The following MACROD2 variants were observed in gnomAD, a reference collection of about 807,000 sequenced individuals.
MACROD2 encodes the protein mono-ADP ribosylhydrolase 2.
MACROD2 carries 36 observed loss-of-function variants against 70.4 expected under a neutral mutation model. The ratio of observed to expected loss-of-function variants is 0.51; its 90% CI spans 0.39 to 0.68. MACROD2 has a LOEUF of 0.68. Ranked by LOEUF, MACROD2 falls within the 30% of genes least tolerant of loss-of-function variation. The pLI is 0.00. For missense variants in MACROD2, 496 were observed against 538.4 expected, an observed-to-expected ratio of 0.92 and a Z score of 0.78; for synonymous variants, 172 against 178.8, an observed-to-expected ratio of 0.96 and a Z score of 0.30.
At chr20:15,067,510 C>T (rs576975848) in intron 5 of MACROD2, among the ~76,000 whole-genome samples, 14 of 152,038 alleles carry the variant, frequency 9.2e-5, no homozygotes, top group African/African-American at 3.1e-4. Context: ...CCACCACACC[C>T]GGCTAATTTT....
chr20:14,832,128 T>C (rs537485728), intron 5 of MACROD2, among the ~76,000 whole-genome samples: 28 of 143,974 alleles, frequency 1.9e-4, no homozygotes, highest in African/African-American at 5.9e-4. Flanking sequence ...CTGCAAGCTC[T>C]GCCTCCCGGG....
intron 3 of MACROD2, among the ~76,000 whole-genome samples, chr20:14,303,355 G>A (rs904508365): frequency 6.6e-5 from 10 of 152,154 alleles, no homozygotes; most frequent in African/African-American, 2.4e-4. Context: ...ACGCCCCAGA[G>A]AGCTTGTTTT....
At chr20:14,958,162 T>G (rs1426502339) in intron 5 of MACROD2, among the ~76,000 whole-genome samples, 2 of 152,222 alleles carry the variant, frequency 1.3e-5, no homozygotes, top group East Asian at 3.9e-4. Context: ...TGTGTATGTA[T>G]TACCTTCTGT....
intron 6 of MACROD2, among the ~76,000 whole-genome samples, chr20:15,332,536 C>T (rs1450656754): frequency 1.3e-5 from 2 of 151,486 alleles, no homozygotes; most frequent in Non-Finnish European, 2.9e-5. Context: ...ATATGGGATT[C>T]CTAATACAAA....
At chr20:14,779,712 A>G (rs2072276446) in intron 5 of MACROD2, among the ~76,000 whole-genome samples, 1 of 152,168 alleles carries the variant, frequency 6.6e-6, no homozygotes, top group Non-Finnish European at 1.5e-5. Context: ...AATAAATAAT[A>G]GGTTTTAAAA....
At chr20:14,465,273 C>G (rs1384766782) in intron 3 of MACROD2, among the ~76,000 whole-genome samples, 1 of 151,962 alleles carries the variant, frequency 6.6e-6, no homozygotes, top group Non-Finnish European at 1.5e-5. Flanking sequence ...TGAATTGATC[C>G]CTTTACCATT....
intron 4 of MACROD2, among the ~76,000 whole-genome samples, chr20:14,661,309 G>A (rs1487615500): frequency 6.6e-6 from 1 of 152,074 alleles, no homozygotes; most frequent in African/African-American, 2.4e-5. Flanking sequence ...TAGTGATTTT[G>A]AGCGTTTTTT....
At position 14,820,059 on chromosome 20, in the gene MACROD2, A is replaced by G. The variant is rs1307337994; in HGVS notation, c.418+135100A>G. On this transcript the variant is annotated intron_variant, in intron 5 of 17. Coordinates refer to ENST00000684519, the MANE Select transcript of MACROD2 (RefSeq NM_001351661.2). ...CCCGGAGTGCTGCTGGTGAAGGTGG[A>G]CAGAGTAGATTTCTTTGAGAGATAC... Among the ~76,000 whole-genome samples the G allele has an allele frequency of 2.6e-5, 4 of 152,100 alleles. No individual in the cohort carries two copies. In the South Asian group the frequency reaches 6.2e-4, roughly 24 times the overall value.
intron 3 of MACROD2, among the ~76,000 whole-genome samples, chr20:14,162,861 C>A (rs1277137737): frequency 6.6e-6 from 1 of 151,958 alleles, no homozygotes; most frequent in Admixed American, 6.6e-5. Flanking sequence ...AATATTTAAT[C>A]CATTTACATT....
intron 3 of MACROD2, among the ~76,000 whole-genome samples, chr20:14,380,885 G>A (rs1157001630): frequency 3.3e-5 from 5 of 152,052 alleles, no homozygotes; most frequent in Non-Finnish European, 7.4e-5. Context: ...TTCCTATTCA[G>A]GGCTCTTTTA....
intron 5 of MACROD2, among the ~76,000 whole-genome samples, chr20:14,914,977 C>A (rs980249747): frequency 6.6e-6 from 1 of 152,046 alleles, no homozygotes; most frequent in Non-Finnish European, 1.5e-5. Context: ...ACAATAGATT[C>A]GACTGATTTT....
Position 15,499,858 on chromosome 20 carries a change from C to A in MACROD2, c.645+11C>A. On this transcript the variant is annotated intron_variant, in intron 8 of 17. Coordinates refer to ENST00000684519, the MANE Select transcript of MACROD2 (RefSeq NM_001351661.2). ...AAGAATCACCATGAGGTAGGAGGAA[C>A]GACATAATCAGTGAACATCCAAGAT... The A allele has an allele frequency of 6.2e-7, 1 of 1,611,036 alleles. No individual in the cohort carries two copies. The highest frequency in any genetic ancestry group is 2.2e-5 in the East Asian group (1 of 44,842).
intron 8 of MACROD2, among the ~76,000 whole-genome samples, chr20:15,534,652 C>T (rs2047849608): frequency 6.6e-6 from 1 of 152,112 alleles, no homozygotes; most frequent in African/African-American, 2.4e-5. Context: ...GTTTCAAGCA[C>T]ATAAACAGTT....
intron 5 of MACROD2, among the ~76,000 whole-genome samples, chr20:15,170,544 A>G (rs1201404336): frequency 6.6e-6 from 1 of 152,146 alleles, no homozygotes; most frequent in Non-Finnish European, 1.5e-5. Context: ...GGCTGTGCAC[A>G]GGGAGAGTTA....
chr20:14,470,085 G>A (rs1437183874), intron 3 of MACROD2, among the ~76,000 whole-genome samples: 1 of 151,992 alleles, frequency 6.6e-6, no homozygotes, highest in Non-Finnish European at 1.5e-5. Flanking sequence ...TTTGGTCTTT[G>A]CTGTTGGTGA....
intron 4 of MACROD2, among the ~76,000 whole-genome samples, chr20:14,638,778 A>C (rs1984924809): frequency 6.6e-6 from 1 of 151,908 alleles, no homozygotes; most frequent in Non-Finnish European, 1.5e-5. Context: ...GTGAAATCCC[A>C]TCTTTACTAA....
intron 5 of MACROD2, among the ~76,000 whole-genome samples, chr20:15,219,992 A>AT (rs200180828): frequency 0.021 from 2,857 of 137,720 alleles, 34 homozygotes; most frequent in African/African-American, 0.035. Context: ...ATCACTGCAC[A>AT]TTTTTTTTTT....
At chr20:14,567,233 C>T (rs1359198504) in intron 4 of MACROD2, among the ~76,000 whole-genome samples, 1 of 151,888 alleles carries the variant, frequency 6.6e-6, no homozygotes, top group Non-Finnish European at 1.5e-5. Context: ...GTTGGAATAA[C>T]TGAAAAAGGC....
intron 3 of MACROD2, among the ~76,000 whole-genome samples, chr20:14,435,577 C>T (rs939207706): frequency 6.6e-5 from 10 of 152,074 alleles, no homozygotes; most frequent in African/African-American, 2.2e-4. Context: ...ACCCCTTATG[C>T]GTCATTATAG....
Sources: allele counts gnomAD v4.1 joint callset (sites outside exome capture counted in the v4.1 genomes callset), GRCh38; gene constraint gnomAD v4.1.1; transcripts MANE v1.5; gene names NCBI Gene and HGNC (gene_info 2026-07-23, HGNC 2026-07-21).